MSRB3: variants seen among roughly 807,000 people sequenced by gnomAD.
The protein encoded by MSRB3 is methionine sulfoxide reductase B3.
In MSRB3, 13 loss-of-function variants were observed where a neutral mutation model predicts 21.0. That is an observed-to-expected ratio of 0.62 (90% CI 0.40 to 0.98). The LOEUF is 0.98. Ranked by LOEUF, MSRB3 falls within the 50% of genes least tolerant of loss-of-function variation. The pLI, the probability that MSRB3 is intolerant of heterozygous loss-of-function variation, is 0.00. For synonymous variants in MSRB3, 87 were observed against 88.6 expected (o/e 0.98, Z 0.10); for missense variants, 199 against 230.3 (o/e 0.86, Z 0.88).
intron 4 of MSRB3, among the ~76,000 whole-genome samples, chr12:65,361,878 A>C (rs1264317795): frequency 6.6e-6 from 1 of 152,156 alleles, no homozygotes; most frequent in African/African-American, 2.4e-5. Context: ...CCTGATTTCT[A>C]AATTTCTGGG....
intron 2 of MSRB3, among the ~76,000 whole-genome samples, chr12:65,326,493 T>C (rs1875039216): frequency 6.6e-6 from 1 of 152,032 alleles, no homozygotes. Flanking sequence ...GACTTATGCT[T>C]TTGAATTTAT....
At chr12:65,449,205 A>ATTT (rs11313276) in intron 5 of MSRB3, among the ~76,000 whole-genome samples, 40 of 139,858 alleles carry the variant, frequency 2.9e-4, no homozygotes, top group African/African-American at 9.6e-4. Context: ...ATTTTTTTGT[A>ATTT]TTTTTTTTTT....
At chr12:65,353,382 A>C (rs1416130158) in intron 4 of MSRB3, among the ~76,000 whole-genome samples, 3 of 151,798 alleles carry the variant, frequency 2.0e-5, no homozygotes, top group African/African-American at 7.3e-5. Flanking sequence ...AGGTCTCTAA[A>C]GACTTGCTTT....
At chr12:65,318,005 G>T (rs1054344711) in intron 2 of MSRB3, among the ~76,000 whole-genome samples, 6 of 152,112 alleles carry the variant, frequency 3.9e-5, no homozygotes, top group African/African-American at 1.2e-4. Flanking sequence ...TGTGAGCACT[G>T]TCTCTCAAGA....
At chr12:65,291,086 CT>C (rs1164776419) in intron 1 of MSRB3, among the ~76,000 whole-genome samples, 8 of 149,002 alleles carry the variant, frequency 5.4e-5, no homozygotes, top group Admixed American at 6.7e-5. Context: ...CTGTGGCTTT[CT>C]TTTTTTTTTC....
chr12:65,279,114 G>A, intron 1 of MSRB3: 3 of 1,372,912 alleles, frequency 2.2e-6, no homozygotes, highest in Non-Finnish European at 2.8e-6. Flanking sequence ...GAGGCGTCTG[G>A]CAGCCTCACT....
chr12:65,452,946 A>T (rs1046245272), intron 5 of MSRB3, among the ~76,000 whole-genome samples: 1 of 152,200 alleles, frequency 6.6e-6, no homozygotes, highest in African/African-American at 2.4e-5. Flanking sequence ...ACATGCCCAT[A>T]AGTACTGAAC....
intron 1 of MSRB3, chr12:65,285,121 T>C (rs1374829519): frequency 2.6e-5 from 4 of 152,246 alleles, no homozygotes; most frequent in Non-Finnish European, 4.4e-5. Flanking sequence ...GGTTACTTTT[T>C]GTGGCCATGG....
At chr12:65,394,394 G>A (rs1256661141) in intron 5 of MSRB3, among the ~76,000 whole-genome samples, 1 of 152,120 alleles carries the variant, frequency 6.6e-6, no homozygotes, top group Non-Finnish European at 1.5e-5. Flanking sequence ...AAATTGACTT[G>A]AGAAATAGGA....
chr12:65,375,947 C>T (rs910353780), intron 5 of MSRB3, among the ~76,000 whole-genome samples: 3 of 150,724 alleles, frequency 2.0e-5, no homozygotes, highest in Admixed American at 6.6e-5. Flanking sequence ...TTTTGGCCTC[C>T]CATGTATTTA....
intron 5 of MSRB3, among the ~76,000 whole-genome samples, chr12:65,429,970 T>A (rs968798076): frequency 1.3e-5 from 2 of 152,246 alleles, no homozygotes; most frequent in African/African-American, 2.4e-5. Flanking sequence ...AAAGTTAGTG[T>A]AGAATCCAAT....
In MSRB3 at chr12:65,449,812, G is replaced by C. The variant is rs542158853; in HGVS notation, c.293-3916G>C. On this transcript the variant is annotated intron_variant, in intron 5 of 6. Coordinates refer to ENST00000308259, the MANE Select transcript of MSRB3 (RefSeq NM_001031679.3). The stretch of plus-strand genomic sequence containing the variant: ...AGCAATTCTTGTTAAATTAAGAATA[G>C]GACAATGAGGGCCACATTTTCTAGA... 2.0e-5 allele frequency among the ~76,000 whole-genome samples: 3 copies of C among 152,244 alleles called. No individual in the cohort carries two copies. In the South Asian group the frequency reaches 6.2e-4, roughly 32 times the overall value.
intron 5 of MSRB3, chr12:65,418,610 A>C: frequency 1.7e-6 from 1 of 574,972 alleles, no homozygotes; most frequent in Non-Finnish European, 3.1e-6. Flanking sequence ...TCGTAGTTTT[A>C]CAGTTTCAGA....
chr12:65,449,205 A>T (rs936127964), intron 5 of MSRB3, among the ~76,000 whole-genome samples: 11 of 139,858 alleles, frequency 7.9e-5, no homozygotes, highest in Non-Finnish European at 1.1e-4. Context: ...ATTTTTTTGT[A>T]TTTTTTTTTT....
chr12:65,429,200 A>C (rs539689675), intron 5 of MSRB3, among the ~76,000 whole-genome samples: 1 of 152,312 alleles, frequency 6.6e-6, no homozygotes, highest in Admixed American at 6.5e-5. Context: ...GGAAATAGAA[A>C]GGATCTATTT....
At chr12:65,375,937 T>TC (rs59378631) in intron 5 of MSRB3, among the ~76,000 whole-genome samples, 1 of 151,594 alleles carries the variant, frequency 6.6e-6, no homozygotes, top group Non-Finnish European at 1.5e-5. Flanking sequence ...AAAGTTTTTT[T>TC]TTTGGCCTCC....
At chr12:65,404,398 C>T (rs1349358753) in intron 5 of MSRB3, among the ~76,000 whole-genome samples, 10 of 152,202 alleles carry the variant, frequency 6.6e-5, no homozygotes, top group Non-Finnish European at 1.0e-4. Flanking sequence ...TCATTGCTGT[C>T]ATTCATTTCA....
At chr12:65,396,878 T>C (rs1300478364) in intron 5 of MSRB3, among the ~76,000 whole-genome samples, 1 of 152,170 alleles carries the variant, frequency 6.6e-6, no homozygotes, top group African/African-American at 2.4e-5. Context: ...TTATATCCAG[T>C]TGATTGATGG....
intron 5 of MSRB3, among the ~76,000 whole-genome samples, chr12:65,371,097 G>A (rs1878291315): frequency 6.6e-6 from 1 of 152,164 alleles, no homozygotes; most frequent in African/African-American, 2.4e-5. Flanking sequence ...GGAGGCAGAG[G>A]CAGGCAGATC....
Sources: allele counts gnomAD v4.1 joint callset (sites outside exome capture counted in the v4.1 genomes callset), GRCh38; gene constraint gnomAD v4.1.1; transcripts MANE v1.5; gene names NCBI Gene and HGNC (gene_info 2026-07-23, HGNC 2026-07-21).